The following ELP4 variants were observed in gnomAD, a reference collection of about 807,000 sequenced individuals.
ELP4 encodes the protein elongator complex protein 4.
ELP4 carries 51 observed loss-of-function variants against 48.9 expected under a neutral mutation model. That is an observed-to-expected ratio of 1.04 (90% confidence interval 0.83 to 1.32). ELP4 has a LOEUF of 1.32. ELP4 is among the 40% of genes most tolerant of loss of function. The pLI, the probability that ELP4 is intolerant of heterozygous loss-of-function variation, is 0.00. For synonymous variants in ELP4, 210 were observed against 189.2 expected, an observed-to-expected ratio of 1.11 and a Z score of -0.90; for missense variants, 519 against 514.6, an observed-to-expected ratio of 1.01 and a Z score of -0.08.
intron 5 of ELP4, among the ~76,000 whole-genome samples, chr11:31,623,852 A>G (rs1944681056): frequency 7.2e-6 from 1 of 139,446 alleles, no homozygotes; most frequent in South Asian, 2.4e-4. Flanking sequence ...AGGAACTCAA[A>G]CAACACAATA....
At chr11:31,650,392 CTA>C (rs1945295625) in intron 9 of ELP4, 171 bp downstream of exon 9, 6 of 416,398 alleles carry the variant, frequency 1.4e-5, no homozygotes, top group Non-Finnish European at 2.6e-5. Context: ...ATTTTTTAGA[CTA>C]TTGTTTTATT....
In ELP4 at chr11:31,787,955, T is replaced by C. The variant is rs1190503686; in HGVS notation, c.*4431T>C. On this transcript the variant is annotated 3_prime_UTR_variant, in exon 10 of 10. Transcript: ENST00000640961. The stretch of plus-strand genomic sequence containing the variant: ...GGAAGTGTGTCTTTGTCCCCAGAGG[T>C]TTCTGCATGTGCAAGCATTTTAATC... 1 of 222,600 alleles carries C rather than the reference T, an allele frequency of 4.5e-6. No individual in the cohort carries two copies. The highest frequency in any genetic ancestry group is 9.0e-6 in the Non-Finnish European group (1 of 111,454). The allele number at this position is 222,600 out of a possible 1,614,324, so 13.8% of individuals were successfully genotyped here. A position where few individuals can be genotyped will look rare whatever the true frequency, so the allele number is the denominator to read the frequency against.
At chr11:31,636,936 A>C (rs1482529119) in intron 7 of ELP4, among the ~76,000 whole-genome samples, 2 of 152,008 alleles carry the variant, frequency 1.3e-5, no homozygotes, top group Non-Finnish European at 2.9e-5. Context: ...CCTTTGAAGT[A>C]ATATTATTAC....
intron 2 of ELP4, among the ~76,000 whole-genome samples, chr11:31,523,099 C>G (rs1245677900): frequency 1.3e-5 from 2 of 151,020 alleles, no homozygotes; most frequent in Non-Finnish European, 2.9e-5. Context: ...TCTTAAACTT[C>G]AGGCCTCAAG....
intron 9 of ELP4, among the ~76,000 whole-genome samples, chr11:31,697,563 A>G (rs1042015261): frequency 6.6e-6 from 1 of 152,166 alleles, no homozygotes; most frequent in Non-Finnish European, 1.5e-5. Context: ...TGATGATGAC[A>G]TTCTGTAAAT....
chr11:31,625,880 C>A (rs981371723), intron 5 of ELP4, among the ~76,000 whole-genome samples: 1 of 151,730 alleles, frequency 6.6e-6, no homozygotes, highest in African/African-American at 2.4e-5. Context: ...TTTTTGCACA[C>A]GTTTCCACAC....
intron 9 of ELP4, among the ~76,000 whole-genome samples, chr11:31,747,878 G>T (rs1947631628): frequency 6.6e-6 from 1 of 152,334 alleles, no homozygotes; most frequent in South Asian, 2.1e-4. Context: ...ACAGGTAGTA[G>T]AAAGTAAAAT....
At chr11:31,746,132 A>G (rs1947584767) in intron 9 of ELP4, among the ~76,000 whole-genome samples, 1 of 152,242 alleles carries the variant, frequency 6.6e-6, no homozygotes, top group Non-Finnish European at 1.5e-5. Context: ...AAAACACATG[A>G]AAAAATGCTC....
At chr11:31,548,456 C>T (rs1956776357) in intron 3 of ELP4, among the ~76,000 whole-genome samples, 1 of 151,878 alleles carries the variant, frequency 6.6e-6, no homozygotes, top group Admixed American at 6.5e-5. Flanking sequence ...TCAAGGAGAA[C>T]TACAAACCAC....
At chr11:31,709,391 A>T (rs377655188) in intron 9 of ELP4, among the ~76,000 whole-genome samples, 1 of 152,152 alleles carries the variant, frequency 6.6e-6, no homozygotes, top group Non-Finnish European at 1.5e-5. Context: ...AAGGAAGTGT[A>T]ATACTTACCG....
chr11:31,772,706 A>G (rs1009259722), intron 9 of ELP4, among the ~76,000 whole-genome samples: 1 of 152,180 alleles, frequency 6.6e-6, no homozygotes, highest in African/African-American at 2.4e-5. Context: ...ATGGTCCACA[A>G]CTAACAGCAA....
chr11:31,557,310 A>G (rs1022033924), intron 3 of ELP4, among the ~76,000 whole-genome samples: 6 of 151,964 alleles, frequency 3.9e-5, no homozygotes, highest in Non-Finnish European at 8.8e-5. Context: ...TGTACCTTAT[A>G]TATTTTGCTT....
intron 9 of ELP4, among the ~76,000 whole-genome samples, chr11:31,656,693 G>T (rs1266822529): frequency 2.6e-5 from 4 of 151,902 alleles, no homozygotes; most frequent in Admixed American, 6.6e-5. Context: ...AGATACCATG[G>T]TTACCTGTAA....
chr11:31,544,580 A>C, intron 3 of ELP4, among the ~76,000 whole-genome samples: 1 of 152,204 alleles, frequency 6.6e-6, no homozygotes, highest in East Asian at 1.9e-4. Context: ...CAGGGCACAG[A>C]CAAACAAAAA....
intron 3 of ELP4, chr11:31,541,297 A>T (rs1055598211): frequency 6.6e-6 from 1 of 152,168 alleles, no homozygotes; most frequent in African/African-American, 2.4e-5. Context: ...CCTGTATTTG[A>T]TTGATTTTCC....
At chr11:31,563,088 A>G (rs908200026) in intron 3 of ELP4, among the ~76,000 whole-genome samples, 14 of 152,210 alleles carry the variant, frequency 9.2e-5, no homozygotes, top group African/African-American at 3.4e-4. Context: ...ACTTACTGAT[A>G]CATGGATAAT....
intron 7 of ELP4, chr11:31,633,805 A>G (rs905688803): frequency 6.6e-6 from 1 of 152,022 alleles, no homozygotes; most frequent in Non-Finnish European, 1.5e-5. Context: ...ACAACTATTT[A>G]TTAGCCATGT....
At chr11:31,774,027 A>T (rs963897906) in intron 9 of ELP4, among the ~76,000 whole-genome samples, 1 of 152,102 alleles carries the variant, frequency 6.6e-6, no homozygotes, top group African/African-American at 2.4e-5. Flanking sequence ...AAAAATACAA[A>T]AATGAGCCAG....
intron 9 of ELP4, among the ~76,000 whole-genome samples, chr11:31,752,572 C>T (rs866878223): frequency 6.6e-5 from 10 of 152,078 alleles, no homozygotes; most frequent in Non-Finnish European, 1.5e-4. Flanking sequence ...CGGTGGCTCA[C>T]GTCTGTAATC....
Sources: allele counts gnomAD v4.1 joint callset (sites outside exome capture counted in the v4.1 genomes callset), GRCh38; gene constraint gnomAD v4.1.1; transcripts MANE v1.5; gene names NCBI Gene and HGNC (gene_info 2026-07-23, HGNC 2026-07-21).